SKIC3: variants seen among roughly 807,000 people sequenced by gnomAD.
The protein encoded by SKIC3 is SKI3 subunit of superkiller complex, also known as superkiller complex protein 3.
chr5:95,467,169 T>C, the SKIC3 span, among the ~76,000 whole-genome samples: 3 of 152,132 alleles, frequency 2.0e-5, no homozygotes, highest in Non-Finnish European at 4.4e-5. Flanking sequence ...GATGTTCTCA[T>C]TGGTTCAAAG....
the SKIC3 span, among the ~76,000 whole-genome samples, chr5:95,469,340 C>T: frequency 6.6e-6 from 1 of 152,150 alleles, no homozygotes; most frequent in African/African-American, 2.4e-5. Context: ...CATTTATAAA[C>T]AACATATCTC....
chr5:95,475,571 A>G, the SKIC3 span, among the ~76,000 whole-genome samples: 15 of 152,170 alleles, frequency 9.9e-5, no homozygotes, highest in Non-Finnish European at 2.1e-4. Flanking sequence ...ACTATGAGCC[A>G]ATTAAAACTC....
At chr5:95,492,682 A>AAAAAAAAAAAAAAAAAAAAAAAAAAAT in the SKIC3 span, among the ~76,000 whole-genome samples, 1 of 140,314 alleles carries the variant, frequency 7.1e-6, no homozygotes, top group Non-Finnish European at 1.5e-5. Flanking sequence ...AAAAAAAAAA[A>AAAAAAAAAAAAAAAAAAAAAAAAAAAT]AAAAAAACAA....
the SKIC3 span, chr5:95,478,342 C>T: frequency 6.2e-7 from 1 of 1,613,958 alleles, no homozygotes; most frequent in Non-Finnish European, 8.5e-7. Flanking sequence ...TGAGAGCTTC[C>T]CACTCCAACT....
the SKIC3 span, chr5:95,507,051 T>A: frequency 6.4e-7 from 1 of 1,564,282 alleles, no homozygotes; most frequent in African/African-American, 1.3e-5. Flanking sequence ...CTCTGTGCAA[T>A]AGCATTCTGT....
chr5:95,486,718 T>C, the SKIC3 span, among the ~76,000 whole-genome samples: 2 of 152,292 alleles, frequency 1.3e-5, no homozygotes, highest in Middle Eastern at 6.8e-3. Flanking sequence ...CCATCCAATC[T>C]GCCGCTAACA....
the SKIC3 span, among the ~76,000 whole-genome samples, chr5:95,548,899 T>A: frequency 2.0e-5 from 3 of 152,016 alleles, no homozygotes; most frequent in Admixed American, 2.0e-4. Flanking sequence ...TCACCATCTC[T>A]TCTATCACCC....
the SKIC3 span, chr5:95,516,918 G>A: frequency 6.3e-7 from 1 of 1,595,324 alleles, no homozygotes; most frequent in Non-Finnish European, 8.5e-7. Flanking sequence ...TACCATACAT[G>A]TAAAGATTTC....
chr5:95,466,672 C>T, the SKIC3 span, among the ~76,000 whole-genome samples: 1 of 152,188 alleles, frequency 6.6e-6, no homozygotes, highest in Non-Finnish European at 1.5e-5. Flanking sequence ...CATGCATGGA[C>T]ATTCTCTCCT....
the SKIC3 span, chr5:95,478,328 G>GC: frequency 6.2e-7 from 1 of 1,613,912 alleles, no homozygotes; most frequent in Non-Finnish European, 8.5e-7. Context: ...AGTCTCAACA[G>GC]ACTTGAGAGC....
the SKIC3 span, among the ~76,000 whole-genome samples, chr5:95,508,150 T>C: frequency 1.3e-5 from 2 of 152,206 alleles, no homozygotes; most frequent in Non-Finnish European, 2.9e-5. Flanking sequence ...CAGTACCATC[T>C]AGTGATTACT....
At chr5:95,554,067 T>C in the SKIC3 span, among the ~76,000 whole-genome samples, 1 of 152,200 alleles carries the variant, frequency 6.6e-6, no homozygotes, top group Non-Finnish European at 1.5e-5. Context: ...ATCTGCAATA[T>C]GGTGAAAGTG....
the SKIC3 span, among the ~76,000 whole-genome samples, chr5:95,537,729 A>C: frequency 6.6e-6 from 1 of 152,176 alleles, no homozygotes; most frequent in South Asian, 2.1e-4. Context: ...ATATGTCTGG[A>C]ATAAGAACAG....
the SKIC3 span, chr5:95,530,261 A>T: frequency 6.2e-7 from 1 of 1,610,392 alleles, no homozygotes; most frequent in African/African-American, 1.3e-5. Context: ...ATTAGTATAC[A>T]TATATCGAGT....
chr5:95,509,480 G>A, the SKIC3 span: 26 of 800,128 alleles, frequency 3.2e-5, no homozygotes, highest in South Asian at 1.2e-4. Flanking sequence ...TGCAAATGGC[G>A]TGAACATCCC....
At chr5:95,488,908 G>T in the SKIC3 span, among the ~76,000 whole-genome samples, 1 of 151,936 alleles carries the variant, frequency 6.6e-6, no homozygotes, top group East Asian at 1.9e-4. Context: ...ACACATCAAT[G>T]ACAACCTTGA....
the SKIC3 span, chr5:95,524,651 C>T: frequency 6.2e-7 from 1 of 1,604,088 alleles, no homozygotes; most frequent in Non-Finnish European, 8.5e-7. Context: ...CACCCACACG[C>T]AATATAGGAG....
chr5:95,472,445 G>A, the SKIC3 span, among the ~76,000 whole-genome samples: 4 of 152,110 alleles, frequency 2.6e-5, no homozygotes, highest in African/African-American at 9.7e-5. Flanking sequence ...CTGTTTATAT[G>A]CTTCTAGACA....
the SKIC3 span, chr5:95,516,640 C>T: frequency 6.2e-7 from 1 of 1,613,192 alleles, no homozygotes; most frequent in Non-Finnish European, 8.5e-7. Context: ...ACACAATCTT[C>T]TAAAAATATT....
Sources: gnomAD v4.1 joint callset for allele counts (sites outside exome capture counted in the v4.1 genomes callset) on GRCh38, gnomAD v4.1.1 for gene constraint, MANE v1.5 for transcripts, NCBI Gene and HGNC (gene_info 2026-07-23, HGNC 2026-07-21) for gene names.